The following EPB41L5 variants were observed in gnomAD, a reference collection of about 807,000 sequenced individuals.
EPB41L5 encodes the protein erythrocyte membrane protein band 4.1 like 5, also known as band 4.1-like protein 5.
Under a neutral mutation model 106.6 loss-of-function variants are expected in EPB41L5, and 55 were observed. That is an observed-to-expected ratio of 0.52 (90% CI 0.42 to 0.65). The LOEUF (loss-of-function observed/expected upper bound fraction) is 0.65. EPB41L5 is among the 30% of genes least tolerant of loss of function. EPB41L5 has a pLI of 0.00. For synonymous variants in EPB41L5, 297 were observed against 306.7 expected (o/e 0.97, Z 0.33); for missense variants, 871 against 882.1 (o/e 0.99, Z 0.16).
intron 18 of EPB41L5, among the ~76,000 whole-genome samples, chr2:120,133,835 C>T (rs1293887430): frequency 6.6e-6 from 1 of 152,168 alleles, no homozygotes; most frequent in Non-Finnish European, 1.5e-5. Context: ...CAGCTTACAG[C>T]TCTGGGAGAG....
intron 2 of EPB41L5, among the ~76,000 whole-genome samples, chr2:120,025,791 C>A (rs1320146502): frequency 1.3e-5 from 2 of 152,120 alleles, no homozygotes; most frequent in South Asian, 4.1e-4. Context: ...CAAGCTGATT[C>A]TAAAATTCTT....
chr2:120,097,060 T>C (rs1334276258), intron 14 of EPB41L5, among the ~76,000 whole-genome samples: 1 of 152,234 alleles, frequency 6.6e-6, no homozygotes, highest in Non-Finnish European at 1.5e-5. Context: ...ACATTTCTGG[T>C]AAAATATGAA....
intron 3 of EPB41L5, among the ~76,000 whole-genome samples, chr2:120,052,416 A>T (rs922505691): frequency 4.6e-5 from 7 of 152,166 alleles, no homozygotes; most frequent in African/African-American, 1.7e-4. Flanking sequence ...TGATCCCTTG[A>T]TTAAGATGGT....
chr2:120,018,230 G>A (rs1480347051), intron 1 of EPB41L5, among the ~76,000 whole-genome samples: 1 of 151,990 alleles, frequency 6.6e-6, no homozygotes, highest in African/African-American at 2.4e-5. Flanking sequence ...GCCTCCCAAA[G>A]TGCTAGAATT....
chr2:120,148,444 G>A (rs1686510659), intron 20 of EPB41L5, among the ~76,000 whole-genome samples: 1 of 150,558 alleles, frequency 6.6e-6, no homozygotes, highest in South Asian at 2.1e-4. Context: ...ACTAGGATGA[G>A]TATTATAGTG....
At chr2:120,105,238 T>G in intron 16 of EPB41L5, 2 of 983,320 alleles carry the variant, frequency 2.0e-6, no homozygotes, top group Non-Finnish European at 2.4e-6. Flanking sequence ...GAAAACATGT[T>G]AAGGGAAGCA....
At chr2:120,033,708 CAA>C (rs3084761) in intron 2 of EPB41L5, among the ~76,000 whole-genome samples, 59,579 of 96,846 alleles carry the variant, frequency 0.62, 16,824 homozygotes, top group Middle Eastern at 0.72. Context: ...AACTCCATCT[CAA>C]AAAAAAAAAA....
chr2:120,100,261 C>T lies in EPB41L5; in HGVS notation c.1196C>T (p.Ser399Leu), dbSNP rs761848072. The change falls in exon 15 of 25, where the codon TCG becomes TTG. Residue 399 changes from serine (S) to leucine (L), a missense_variant. Ser to Leu is a moderately radical substitution (Grantham distance 145, BLOSUM62 -2). Coordinates refer to ENST00000263713, the MANE Select transcript of EPB41L5 (RefSeq NM_020909.4). Reference protein sequence around the residue: ...PEELSVHNNVSTQSNGSQQAW... With the variant: ...PEELSVHNNVLTQSNGSQQAW... ...CATTACAGTGTTCACAATAATGTTTCGACCCAAAGTAATGGCTCCCAACAG... is the reference window on the plus strand; with the variant it reads ...CATTACAGTGTTCACAATAATGTTTTGACCCAAAGTAATGGCTCCCAACAG... 1.6e-5 allele frequency: 25 copies of T among 1,612,710 alleles called. No homozygotes were observed. The highest frequency in any genetic ancestry group is 6.6e-5 in the South Asian group (6 of 91,002).
chr2:120,146,328 A>T lies in EPB41L5; in HGVS notation c.1793+39A>T, dbSNP rs202219524. On this transcript the variant is annotated intron_variant, in intron 20 of 24. Coordinates refer to ENST00000263713, the MANE Select transcript of EPB41L5 (RefSeq NM_020909.4). The stretch of plus-strand genomic sequence containing the variant: ...TAGACTGAATTAAATTGATGTTCTT[A>T]TCTATCTTTGTCTTTTTTTTCTTCT... The T allele has an allele frequency of 3.4e-6, 5 of 1,458,454 alleles. No homozygotes were observed. The East Asian group carries it at 1.1e-4, about 33-fold the overall frequency. The allele number at this position is 1,458,454 out of a possible 1,614,324, so 90.3% of individuals were successfully genotyped here. A position where few individuals can be genotyped will look rare whatever the true frequency, so the allele number is the denominator to read the frequency against.
intron 3 of EPB41L5, among the ~76,000 whole-genome samples, chr2:120,072,329 TG>T (rs1574593274): frequency 6.6e-6 from 1 of 151,400 alleles, no homozygotes; most frequent in African/African-American, 2.4e-5. Context: ...CTTTTTTTGG[TG>T]GGGGTGTAAA....
Position 120,178,657 on chromosome 2 carries a change from T to G in EPB41L5, c.*3750T>G, listed in dbSNP as rs1045271781. 6.6e-6 allele frequency: 1 copy of G among 152,368 alleles called. No homozygotes were observed. Among genetic ancestry groups the G allele is most frequent in the South Asian group, 2.1e-4 (1 of 4,834 alleles). 9.4% of individuals were successfully genotyped at this position (152,368 alleles called of 1,614,324 possible). A position where few individuals can be genotyped will look rare whatever the true frequency, so the allele number is the denominator to read the frequency against. ...ACTTTTCCTACATATTAGGCGTTAG[T>G]ATGAGGACATTTGTTTGAATTATAG... On this transcript the variant is annotated 3_prime_UTR_variant, in exon 25 of 25. Coordinates refer to ENST00000263713, the MANE Select transcript of EPB41L5 (RefSeq NM_020909.4).
chr2:120,022,279 A>G (rs919499500), intron 2 of EPB41L5, among the ~76,000 whole-genome samples: 1 of 152,124 alleles, frequency 6.6e-6, no homozygotes, highest in Non-Finnish European at 1.5e-5. Context: ...GGTTTGCTGT[A>G]CACATCAACC....
chr2:120,165,051 A>AT (rs990116174), intron 22 of EPB41L5, 141 bp downstream of exon 22: 90 of 612,880 alleles, frequency 1.5e-4, no homozygotes, highest in African/African-American at 1.4e-3. Flanking sequence ...ACCACTTAGC[A>AT]TTGCCTCTCT....
chr2:120,038,184 A>C (rs1207855199), intron 2 of EPB41L5, among the ~76,000 whole-genome samples: 1 of 152,200 alleles, frequency 6.6e-6, no homozygotes, highest in African/African-American at 2.4e-5. Context: ...CAGCAACAAC[A>C]ACCAAAAGCC....
intron 2 of EPB41L5, among the ~76,000 whole-genome samples, chr2:120,031,510 C>G (rs931992762): frequency 2.0e-5 from 3 of 152,090 alleles, no homozygotes; most frequent in African/African-American, 7.2e-5. Context: ...TGTAGTGGGC[C>G]AGAGCTTTGT....
intron 3 of EPB41L5, among the ~76,000 whole-genome samples, chr2:120,047,239 A>G (rs566118648): frequency 6.6e-6 from 1 of 152,288 alleles, no homozygotes; most frequent in South Asian, 2.1e-4. Flanking sequence ...TGAATCTATA[A>G]ATTGCCTTGG....
At chr2:120,128,493 C>T (rs1483441038) in intron 17 of EPB41L5, among the ~76,000 whole-genome samples, 1 of 152,116 alleles carries the variant, frequency 6.6e-6, no homozygotes, top group Non-Finnish European at 1.5e-5. Flanking sequence ...AAATTAGCCA[C>T]CATCATTAAA....
At chr2:120,042,242 C>T (rs752012157) in intron 3 of EPB41L5, 132 bp downstream of exon 3, 18 of 550,466 alleles carry the variant, frequency 3.3e-5, no homozygotes, top group Middle Eastern at 4.4e-4. Flanking sequence ...CCGCTCCCTC[C>T]CCCCACCTCC....
At chr2:120,043,672 G>GCTA (rs1679574722) in intron 3 of EPB41L5, among the ~76,000 whole-genome samples, 1 of 152,092 alleles carries the variant, frequency 6.6e-6, no homozygotes, top group East Asian at 1.9e-4. Context: ...CAGGAACTTA[G>GCTA]AGTTGGAGGC....
Sources: allele counts gnomAD v4.1 joint callset (sites outside exome capture counted in the v4.1 genomes callset), GRCh38; gene constraint gnomAD v4.1.1; transcripts MANE v1.5; gene names NCBI Gene and HGNC (gene_info 2026-07-23, HGNC 2026-07-21).